DIP2A: variants seen among roughly 807,000 people sequenced by gnomAD.
The protein encoded by DIP2A is disco-interacting protein 2 homolog A.
DIP2A carries 85 observed loss-of-function variants against 177.4 expected under a neutral mutation model. The ratio of observed to expected loss-of-function variants is 0.48; its 90% confidence interval spans 0.40 to 0.57. The LOEUF (loss-of-function observed/expected upper bound fraction) is 0.57, where lower values mean the gene tolerates loss of function less well. Among genes scored for constraint, DIP2A ranks in the 20% least tolerant of loss-of-function variants. The pLI is 0.00. For synonymous variants in DIP2A, 886 were observed against 881.8 expected (o/e 1.00, Z -0.08); for missense variants, 1,791 against 2,100.2 (o/e 0.85, Z 2.88).
At chr21:46,551,580 A>C in intron 23 of DIP2A, 54 bp from the exon 24 acceptor site, 2 of 1,422,752 alleles carry the variant, frequency 1.4e-6, no homozygotes, top group Non-Finnish European at 2.0e-6. Flanking sequence ...AAATCACGTG[A>C]TGTTTATATA....
At chr21:46,527,567 C>T (rs1267653997) in intron 8 of DIP2A, among the ~76,000 whole-genome samples, 1 of 152,046 alleles carries the variant, frequency 6.6e-6, no homozygotes, top group Non-Finnish European at 1.5e-5. Flanking sequence ...CTCAGATGAT[C>T]CACCCATCTT....
At chr21:46,532,052 A>T in intron 9 of DIP2A, 75 bp from the exon 10 acceptor site, 1 of 1,398,244 alleles carries the variant, frequency 7.2e-7, no homozygotes, top group South Asian at 1.4e-5. Flanking sequence ...AATTTTATTT[A>T]TAACTAGCTT....
chr21:46,459,298 C>T, intron 1 of DIP2A, 76 bp downstream of exon 1: 3 of 1,273,446 alleles, frequency 2.4e-6, no homozygotes, highest in Non-Finnish European at 3.1e-6. Flanking sequence ...ACTCCGGGAC[C>T]CCCGCGCGGC....
At position 46,546,015 on chromosome 21, in the gene DIP2A, G is replaced by T. The variant is rs200351987; in HGVS notation, c.2394+54G>T. 1.8e-4 allele frequency: 289 copies of T among 1,612,258 alleles called. No individual in the cohort carries two copies. In the Middle Eastern group the frequency reaches 6.8e-3, roughly 38 times the overall value. ...GCAGTCAGAGAAGGTAGGGGGTGTG[G>T]CTAAGGGACACCTCGTTGCAGCCCC... On this transcript the variant is annotated intron_variant, in intron 20 of 37. Coordinates refer to ENST00000417564, the MANE Select transcript of DIP2A (RefSeq NM_015151.4).
chr21:46,547,049 C>T lies in DIP2A; in HGVS notation c.2522+7C>T, dbSNP rs369805723. The T allele has an allele frequency of 3.7e-4, 603 of 1,611,918 alleles. No individual in the cohort carries two copies. Among genetic ancestry groups the T allele is most frequent in the Middle Eastern group, 6.6e-4 (4 of 6,076 alleles). ...AGTTTGTCTACAGAGGCAGGTGATG[C>T]GCTGCGGACCCCCACGCCGGGAGTA... On this transcript the variant is annotated splice_region_variant and intron_variant, in intron 21 of 37. Transcript: ENST00000417564.
Position 46,554,201 on chromosome 21 carries a change from G to C in DIP2A, c.3063G>C (p.Gln1021His), listed in dbSNP as rs763691238. Residue 1021 changes from glutamine to histidine, a missense_variant, in exon 26 of 38, where the codon CAG (glutamine) becomes CAC (histidine). Transcript: ENST00000417564. ...TCACAAGCACTGCAACCTGTGTCCAGCTGCACAAAAGGGCTGAGAGAGTGG... is the reference window on the plus strand; with the variant it reads ...TCACAAGCACTGCAACCTGTGTCCACCTGCACAAAAGGGCTGAGAGAGTGG... ...GTVTSTATCV[Q>H]LHKRAERVAA... The C allele has an allele frequency of 6.2e-6, 10 of 1,613,900 alleles. No individual in the cohort carries two copies. The highest frequency in any genetic ancestry group is 8.5e-6 in the Non-Finnish European group (10 of 1,179,820).
At chr21:46,528,527 C>CATTTTTTTTTTTTT (rs2059207496) in intron 8 of DIP2A, among the ~76,000 whole-genome samples, 1 of 29,380 alleles carries the variant, frequency 3.4e-5, no homozygotes, top group African/African-American at 1.6e-4. Context: ...TTTCTGCTTG[C>CATTTTTTTTTTTTT]TTTTTTTTTT....
Position 46,538,605 on chromosome 21 carries a change from G to T in DIP2A, c.1921+3G>T. 6.5e-7 allele frequency: 1 copy of T among 1,549,534 alleles called. No individual in the cohort carries two copies. Reference sequence around the variant, plus strand: ...TGTGGCCGATGGTGCCAACCCGTGTGAGTGAGCCTGTGTGCCCGGCGCATA... The same window carrying T: ...TGTGGCCGATGGTGCCAACCCGTGTTAGTGAGCCTGTGTGCCCGGCGCATA... On this transcript the variant is annotated splice_donor_region_variant and intron_variant, in intron 16 of 37. Coordinates refer to ENST00000417564, the MANE Select transcript of DIP2A (RefSeq NM_015151.4).
chr21:46,477,543 T>TTTTTTTTTTTGTGTGTGTGTGTGTG (rs374607636), intron 1 of DIP2A, among the ~76,000 whole-genome samples: 2 of 87,132 alleles, frequency 2.3e-5, no homozygotes, highest in African/African-American at 8.6e-5. Flanking sequence ...AAAAAAAGAT[T>TTTTTTTTTTTGTGTGTGTGTGTGTG]TGTGTGTGTG....
intron 3 of DIP2A, among the ~76,000 whole-genome samples, chr21:46,495,933 G>A (rs536564608): frequency 1.3e-4 from 20 of 152,072 alleles, no homozygotes; most frequent in Admixed American, 7.2e-4. Flanking sequence ...TTAGCCGGGC[G>A]TGGTGGGGGG....
chr21:46,544,323 C>T (rs1018309054), intron 18 of DIP2A, among the ~76,000 whole-genome samples: 1 of 152,110 alleles, frequency 6.6e-6, no homozygotes, highest in Non-Finnish European at 1.5e-5. Flanking sequence ...CCCCCAAATG[C>T]GGAAAGGCCG....
chr21:46,580,782 C>T, the DIP2A span, among the ~76,000 whole-genome samples: 1 of 152,204 alleles, frequency 6.6e-6, no homozygotes, highest in South Asian at 2.1e-4. Context: ...CCAATCTCTT[C>T]TGGTTTGTAG....
intron 18 of DIP2A, among the ~76,000 whole-genome samples, chr21:46,543,070 G>A (rs988552435): frequency 6.6e-6 from 1 of 152,186 alleles, no homozygotes; most frequent in African/African-American, 2.4e-5. Context: ...AGCTCTACTT[G>A]TTACTCATAC....
At chr21:46,487,400 C>G (rs1023140995) in intron 2 of DIP2A, among the ~76,000 whole-genome samples, 3 of 152,160 alleles carry the variant, frequency 2.0e-5, no homozygotes, top group Non-Finnish European at 4.4e-5. Context: ...TCAAACTAAA[C>G]AACCAGATAC....
chr21:46,525,746 A>G (rs1055294358), intron 8 of DIP2A: 1 of 152,052 alleles, frequency 6.6e-6, no homozygotes, highest in Non-Finnish European at 1.5e-5. Flanking sequence ...AGAGTGTCTT[A>G]GCAATTCTTA....
At chr21:46,461,271 CA>C (rs60346777) in intron 1 of DIP2A, among the ~76,000 whole-genome samples, 109 of 49,320 alleles carry the variant, frequency 2.2e-3, no homozygotes, top group East Asian at 5.5e-3. Context: ...CTCTTCTCAC[CA>C]AAAAAAAAAA....
In DIP2A at chr21:46,560,728, G is replaced by A. The variant is rs2060634829; in HGVS notation, c.3976G>A (p.Ala1326Thr). 1 of 1,607,976 alleles carries A rather than the reference G, an allele frequency of 6.2e-7. No individual in the cohort carries two copies. The highest frequency in any genetic ancestry group is 8.5e-7 in the Non-Finnish European group (1 of 1,177,440). ...TCTGCTGCTCTCCTTCCAGGGCACA[G>A]CTGGCCCGGACCCCACAACCGTCTA... ...VNVAICLQGTAGPDPTTVYVD... is the reference protein window; with the variant it reads ...VNVAICLQGTTGPDPTTVYVD... The change falls in exon 33 of 38, where the codon GCT (alanine) becomes ACT (threonine). Residue 1326 changes from alanine (A) to threonine (T), a missense_variant. Coordinates refer to ENST00000417564, the MANE Select transcript of DIP2A (RefSeq NM_015151.4).
intron 26 of DIP2A, 80 bp from the exon 27 acceptor site, chr21:46,554,495 T>C: frequency 6.4e-7 from 1 of 1,569,512 alleles, no homozygotes. Flanking sequence ...CCTCCCCTCC[T>C]CTCTCGCAGG....
chr21:46,535,589 A>T (rs962589134), intron 13 of DIP2A, among the ~76,000 whole-genome samples: 1 of 152,218 alleles, frequency 6.6e-6, no homozygotes, highest in Non-Finnish European at 1.5e-5. Flanking sequence ...TAGAATTTTT[A>T]AAAAAGAAAA....
Sources: gnomAD v4.1 joint callset for allele counts (sites outside exome capture counted in the v4.1 genomes callset) on GRCh38, gnomAD v4.1.1 for gene constraint, MANE v1.5 for transcripts, NCBI Gene and HGNC (gene_info 2026-07-23, HGNC 2026-07-21) for gene names.